FAM53A: variants seen among roughly 807,000 people sequenced by gnomAD.
FAM53A encodes the protein family with sequence similarity 53 member A.
Under a neutral mutation model 26.6 loss-of-function variants are expected in FAM53A, and 28 were observed. The observed-to-expected ratio is 1.05, with a 90% confidence interval of 0.78 to 1.45. The LOEUF (loss-of-function observed/expected upper bound fraction) is 1.45. Among genes scored for constraint, FAM53A ranks in the 40% most tolerant of loss-of-function variants. The pLI, the probability that FAM53A is intolerant of heterozygous loss-of-function variation, is 0.00. For synonymous variants in FAM53A, 290 were observed against 253.1 expected, an observed-to-expected ratio of 1.15 and a Z score of -1.38; for missense variants, 650 against 575.8, an observed-to-expected ratio of 1.13 and a Z score of -1.32.
In FAM53A at chr4:1,630,610, C is replaced by T. The variant is rs943705216; in HGVS notation, c.432-12499G>A. Among the ~76,000 whole-genome samples the T allele has an allele frequency of 4.6e-5, 7 of 152,158 alleles. No homozygotes were observed. The highest frequency in any genetic ancestry group is 8.8e-5 in the Non-Finnish European group (6 of 68,030). ...GCTCAGCAATTCCCCTCAGCCTCAC[C>T]GCCACTCCCAAGACAGGCCAGGAGC... is the stretch of plus-strand genomic sequence containing the variant. On this transcript the variant is annotated intron_variant, in intron 1 of 1. Transcript: ENST00000489029. The surrounding 1 kb of genome is among the most constrained non-coding windows in gnomAD (Gnocchi z 4.3).
the FAM53A span, among the ~76,000 whole-genome samples, chr4:1,585,272 CTCTCTT>C: frequency 4.7e-4 from 56 of 119,848 alleles, no homozygotes; most frequent in East Asian, 6.1e-3. Flanking sequence ...CTCTCTCTCT[CTCTCTT>C]TTTTTTTTTT....
intron 1 of FAM53A, among the ~76,000 whole-genome samples, chr4:1,672,169 C>T (rs1185577133): frequency 7.4e-5 from 2 of 26,996 alleles, no homozygotes; most frequent in African/African-American, 9.2e-5. Flanking sequence ...GACCCAGGAA[C>T]CCAAGAACCC....
rs1460978934 is a variant in FAM53A, at chr4:1,646,132, G to A, written c.883-4525C>T. 2.0e-5 allele frequency among the ~76,000 whole-genome samples: 3 copies of A among 151,048 alleles called. No homozygotes were observed. The East Asian group carries it at 5.8e-4, about 29-fold the overall frequency. On this transcript the variant is annotated intron_variant, in intron 4 of 4. Transcript: ENST00000308132. ...TTTTTTTTTTTTGAGACGGAGTCTT[G>A]CTCTGTCGCCCAGGTTGGAGTGCAG...
chr4:1,641,270 G>T lies in FAM53A; in HGVS notation c.*23C>A, dbSNP rs1173947395. The T allele has an allele frequency of 7.4e-6, 12 of 1,612,016 alleles. No individual in the cohort carries two copies. Among genetic ancestry groups the T allele is most frequent in the Non-Finnish European group, 1.0e-5 (12 of 1,179,572 alleles). On this transcript the variant is annotated 3_prime_UTR_variant, in exon 5 of 5. Coordinates refer to ENST00000308132, the MANE Select transcript of FAM53A (RefSeq NM_001174070.3). The stretch of plus-strand genomic sequence containing the variant: ...AGGGCAGGTGCAGGCGGCAGCCATG[G>T]CCCCGACCAGCCCCCACCAGCCTCA...
intron 1 of FAM53A, among the ~76,000 whole-genome samples, chr4:1,619,675 G>C (rs964548265): frequency 2.0e-5 from 3 of 152,128 alleles, no homozygotes; most frequent in African/African-American, 7.2e-5. Flanking sequence ...CCGGGCACCG[G>C]CCTTGCGCTT....
chr4:1,616,301 C>G (rs1714808793), downstream of FAM53A, among the ~76,000 whole-genome samples: 1 of 152,240 alleles, frequency 6.6e-6, no homozygotes, highest in South Asian at 2.1e-4. Context: ...CTCACTCAGC[C>G]AGGCACGCAG....
At chr4:1,631,150 G>A (rs1230146635) in intron 1 of FAM53A, among the ~76,000 whole-genome samples, 1 of 152,254 alleles carries the variant, frequency 6.6e-6, no homozygotes, top group Admixed American at 6.5e-5. Flanking sequence ...GAGTCAGGAT[G>A]GCTCTGACTC....
intron 2 of FAM53A, among the ~76,000 whole-genome samples, chr4:1,661,729 G>A (rs1397727922): frequency 6.6e-6 from 1 of 151,412 alleles, no homozygotes; most frequent in Non-Finnish European, 1.5e-5. Context: ...CGAGGCACCC[G>A]TGCCCACTCC....
chr4:1,676,836 G>A (rs776368608), intron 1 of FAM53A, among the ~76,000 whole-genome samples: 7 of 152,122 alleles, frequency 4.6e-5, no homozygotes, highest in Non-Finnish European at 8.8e-5. Flanking sequence ...ACATTATCAC[G>A]TCACTATAGT....
intron 1 of FAM53A, among the ~76,000 whole-genome samples, chr4:1,672,179 CA>C: frequency 9.7e-5 from 1 of 10,302 alleles, no homozygotes; most frequent in Middle Eastern, 0.083. Context: ...CCCAAGAACC[CA>C]CGGACCCACG....
downstream of FAM53A, among the ~76,000 whole-genome samples, chr4:1,638,008 C>G (rs2108791439): frequency 6.6e-6 from 1 of 152,068 alleles, no homozygotes; most frequent in East Asian, 1.9e-4. Flanking sequence ...TCCAGGCCCA[C>G]CGTGGGTGAC....
the FAM53A span, among the ~76,000 whole-genome samples, chr4:1,608,948 G>A: frequency 1.3e-5 from 2 of 152,092 alleles, no homozygotes; most frequent in African/African-American, 2.4e-5. Context: ...GGGGCCCAAG[G>A]AGGAGCAGGA....
At chr4:1,643,286 G>A (rs1411317149) in intron 4 of FAM53A, among the ~76,000 whole-genome samples, 1 of 152,012 alleles carries the variant, frequency 6.6e-6, no homozygotes, top group Non-Finnish European at 1.5e-5. Context: ...CTAACACGGT[G>A]AAGCCCCGTC....
chr4:1,684,839 T>C (rs1343943079), upstream of FAM53A, among the ~76,000 whole-genome samples: 1 of 152,230 alleles, frequency 6.6e-6, no homozygotes. Context: ...CCCTCGCTCA[T>C]GGTCGCCGAG....
chr4:1,681,190 G>C (rs565453238), intron 1 of FAM53A, among the ~76,000 whole-genome samples: 4 of 151,994 alleles, frequency 2.6e-5, no homozygotes, highest in Non-Finnish European at 5.9e-5. Flanking sequence ...TCAGCCTCCC[G>C]AGTTCAAGTG....
chr4:1,682,388 G>A (rs1235090664), intron 1 of FAM53A, among the ~76,000 whole-genome samples: 1 of 149,632 alleles, frequency 6.7e-6, no homozygotes, highest in Non-Finnish European at 1.5e-5. Context: ...TCAGCCTCCC[G>A]AGTAGCTGGG....
chr4:1,585,178 G>A, the FAM53A span, among the ~76,000 whole-genome samples: 6 of 151,202 alleles, frequency 4.0e-5, no homozygotes, highest in East Asian at 1.9e-4. Flanking sequence ...ATAGTCACAC[G>A]TTGTACAGTA....
At position 1,668,785 on chromosome 4, in the gene FAM53A, G is replaced by C; in HGVS notation, c.-44C>G. 5 of 1,590,668 alleles carry C rather than the reference G, an allele frequency of 3.1e-6. No homozygotes were observed. The highest frequency in any genetic ancestry group is 4.3e-6 in the Non-Finnish European group (5 of 1,159,748). On this transcript the variant is annotated 5_prime_UTR_variant, in exon 2 of 5. Coordinates refer to ENST00000308132, the MANE Select transcript of FAM53A (RefSeq NM_001174070.3). Reference sequence around the variant, plus strand: ...TCCGTCCACACCAACAGGCACTGGAGTCCTGGAACATCAGACTTGCGAAGG... The same window carrying C: ...TCCGTCCACACCAACAGGCACTGGACTCCTGGAACATCAGACTTGCGAAGG...
the FAM53A span, among the ~76,000 whole-genome samples, chr4:1,606,863 A>G: frequency 2.0e-5 from 3 of 152,200 alleles, no homozygotes; most frequent in Non-Finnish European, 4.4e-5. Flanking sequence ...CTGTACCCAG[A>G]GGCGGAATTT....
Sources: gnomAD v4.1 joint callset for allele counts (sites outside exome capture counted in the v4.1 genomes callset) on GRCh38, gnomAD v4.1.1 for gene constraint, Gnocchi (gnomAD v3.1) non-coding constraint, MANE v1.5 for transcripts, NCBI Gene and HGNC (gene_info 2026-07-23, HGNC 2026-07-21) for gene names.